Variants in WASF1 observed in about 807,000 individuals in gnomAD.
WASF1 encodes the protein actin-binding protein WASF1.
A neutral mutation model predicts 50.5 loss-of-function variants in WASF1; 7 were observed. The observed-to-expected ratio is 0.14, with a 90% CI of 0.08 to 0.26. The LOEUF is 0.26. WASF1 is among the 10% of genes least tolerant of loss of function. The pLI is 1.00. For missense variants in WASF1, 470 were observed against 694.7 expected (o/e 0.68, Z 3.64); for synonymous variants, 205 against 244.0 (o/e 0.84, Z 1.49).
chr6:110,142,797 A>T (rs1169863634), intron 3 of WASF1, among the ~76,000 whole-genome samples: 1 of 152,052 alleles, frequency 6.6e-6, no homozygotes, highest in Non-Finnish European at 1.5e-5. Flanking sequence ...AACATCTTTT[A>T]ATCCATCAGT....
chr6:110,100,351 G>A lies in WASF1; in HGVS notation c.*171C>T, dbSNP rs1328732208. On this transcript the variant is annotated 3_prime_UTR_variant, in exon 11 of 11. Coordinates refer to ENST00000392589, the MANE Select transcript of WASF1 (RefSeq NM_003931.3). ...AAGATAAGCCACTGTAAAACATTTA[G>A]TTTGAAATGTATGCTAATATTTTCC... 1.5e-6 allele frequency: 1 copy of A among 650,548 alleles called. No homozygotes were observed. The highest frequency in any genetic ancestry group is 1.9e-5 in the African/African-American group (1 of 53,460). 40.3% of individuals were successfully genotyped at this position (650,548 alleles called of 1,614,324 possible).
intron 4 of WASF1, among the ~76,000 whole-genome samples, chr6:110,121,828 T>C (rs993149370): frequency 2.0e-5 from 3 of 152,158 alleles, no homozygotes; most frequent in Non-Finnish European, 4.4e-5. Context: ...ATGTGGTACA[T>C]ATACACCATG....
intron 4 of WASF1, among the ~76,000 whole-genome samples, chr6:110,124,268 CTCTCTCTATATATA>C (rs1157622846): frequency 8.1e-4 from 48 of 59,220 alleles, no homozygotes; most frequent in African/African-American, 4.5e-3. Context: ...CTCTCTCTCT[CTCTCTCTATATATA>C]TATATATATA....
intron 2 of WASF1, among the ~76,000 whole-genome samples, chr6:110,169,001 T>G (rs947933838): frequency 1.3e-5 from 2 of 152,102 alleles, no homozygotes; most frequent in Non-Finnish European, 2.9e-5. Context: ...CCTTATCCCC[T>G]GTCCCAACAG....
At chr6:110,103,270 T>C in intron 9 of WASF1, 108 bp downstream of exon 9, 1 of 1,215,892 alleles carries the variant, frequency 8.2e-7, no homozygotes, top group Non-Finnish European at 1.1e-6. Context: ...TGAGTACTTG[T>C]GACAAAAACT....
At chr6:110,129,101 G>A (rs578007861) in intron 3 of WASF1, among the ~76,000 whole-genome samples, 3 of 152,122 alleles carry the variant, frequency 2.0e-5, no homozygotes, top group East Asian at 1.9e-4. Flanking sequence ...AGAGCTGTAC[G>A]TCATGATCAG....
intron 10 of WASF1, 91 bp downstream of exon 10, chr6:110,101,497 T>C: frequency 6.7e-7 from 1 of 1,493,086 alleles, no homozygotes; most frequent in Non-Finnish European, 8.9e-7. Flanking sequence ...CACCTAAAAT[T>C]TTATAGATAA....
At position 110,113,529 on chromosome 6, in the gene WASF1, A is replaced by T. The variant is rs182622979; in HGVS notation, c.134-69T>A. Reference sequence around the variant, plus strand: ...GCACTGAGTTTTTATCTTTGCAAGCAGTAGAAATCTAGCATGATATTTGCC... The same window carrying T: ...GCACTGAGTTTTTATCTTTGCAAGCTGTAGAAATCTAGCATGATATTTGCC... On this transcript the variant is annotated intron_variant, in intron 4 of 10. Transcript: ENST00000392589. 40 of 1,379,070 alleles carry T rather than the reference A, an allele frequency of 2.9e-5. No homozygotes were observed. The East Asian group carries it at 4.1e-4, about 14-fold the overall frequency. The allele number at this position is 1,379,070 out of a possible 1,614,324, so 85.4% of individuals were successfully genotyped here.
rs539051358 is a variant in WASF1, at chr6:110,144,558, A to G, written c.-29+16077T>C. Among the ~76,000 whole-genome samples, 25 of 151,742 alleles carry G rather than the reference A, an allele frequency of 1.6e-4. No homozygotes were observed. The East Asian group carries it at 2.1e-3, about 13-fold the overall frequency. ...TTGCCCATGCCTATGTCCTGAATGG[A>G]TATGCCTAGGTTTTCTTCTAGGGTT... On this transcript the variant is annotated intron_variant, in intron 3 of 10. Coordinates refer to ENST00000392589, the MANE Select transcript of WASF1 (RefSeq NM_003931.3).
intron 2 of WASF1, among the ~76,000 whole-genome samples, chr6:110,173,053 T>C (rs1030293648): frequency 1.3e-5 from 2 of 152,168 alleles, no homozygotes; most frequent in Non-Finnish European, 2.9e-5. Context: ...TATAAAAATT[T>C]AGCAAATTTA....
At chr6:110,116,975 G>T (rs1773841081) in intron 4 of WASF1, among the ~76,000 whole-genome samples, 1 of 151,878 alleles carries the variant, frequency 6.6e-6, no homozygotes, top group Non-Finnish European at 1.5e-5. Context: ...AAACAGAAGG[G>T]ACATCCACAC....
intron 10 of WASF1, 105 bp downstream of exon 10, chr6:110,101,483 T>C: frequency 6.9e-7 from 1 of 1,444,546 alleles, no homozygotes; most frequent in Non-Finnish European, 9.3e-7. Flanking sequence ...TACACAAACA[T>C]GATCACCTAA....
chr6:110,166,252 G>T (rs1228197375), intron 2 of WASF1, among the ~76,000 whole-genome samples: 1 of 151,254 alleles, frequency 6.6e-6, no homozygotes, highest in Non-Finnish European at 1.5e-5. Flanking sequence ...AAAAAAAAAT[G>T]CCCTACAATA....
chr6:110,171,767 T>C (rs144530220), intron 2 of WASF1, among the ~76,000 whole-genome samples: 7,823 of 151,994 alleles, frequency 0.051, 223 homozygotes, highest in East Asian at 0.12. Flanking sequence ...GGGAGAAAAT[T>C]TTTGCAATCT....
At chr6:110,159,075 G>C (rs752394619) in intron 3 of WASF1, among the ~76,000 whole-genome samples, 7 of 152,006 alleles carry the variant, frequency 4.6e-5, no homozygotes, top group Middle Eastern at 3.4e-3. Flanking sequence ...CCTGAAGACA[G>C]GGATCATATC....
intron 9 of WASF1, among the ~76,000 whole-genome samples, 163 bp downstream of exon 9, chr6:110,103,215 G>A (rs1773170850): frequency 6.6e-6 from 1 of 152,154 alleles, no homozygotes; most frequent in African/African-American, 2.4e-5. Context: ...ACATTCATTT[G>A]TTTATGTATA....
intron 3 of WASF1, among the ~76,000 whole-genome samples, chr6:110,152,362 C>T (rs955701062): frequency 1.3e-5 from 2 of 152,120 alleles, no homozygotes; most frequent in African/African-American, 4.8e-5. Flanking sequence ...TTAAATCCAA[C>T]AAAAACTTAC....
intron 5 of WASF1, among the ~76,000 whole-genome samples, chr6:110,108,955 C>T (rs532154204): frequency 1.3e-5 from 2 of 152,294 alleles, no homozygotes; most frequent in South Asian, 4.1e-4. Flanking sequence ...ATCTACATTT[C>T]AACCAAATAT....
chr6:110,154,891 T>C (rs945108949), intron 3 of WASF1, among the ~76,000 whole-genome samples: 1 of 152,108 alleles, frequency 6.6e-6, no homozygotes, highest in Non-Finnish European at 1.5e-5. Flanking sequence ...TTATGTAAAG[T>C]TGTCCTTGGT....
Sources: allele counts gnomAD v4.1 joint callset (sites outside exome capture counted in the v4.1 genomes callset), GRCh38; gene constraint gnomAD v4.1.1; transcripts MANE v1.5; gene names NCBI Gene and HGNC (gene_info 2026-07-23, HGNC 2026-07-21).